Variants in PES1 observed in about 807,000 individuals in gnomAD.
PES1 encodes the protein pescadillo ribosomal biogenesis factor 1, also known as pescadillo homolog.
In PES1, 31 loss-of-function variants were observed where a neutral mutation model predicts 77.1. That is an observed-to-expected ratio of 0.40 (90% CI 0.30 to 0.54). The LOEUF (loss-of-function observed/expected upper bound fraction) is 0.54, where lower values mean the gene tolerates loss of function less well. Among genes scored for constraint, PES1 ranks in the 20% least tolerant of loss-of-function variants. PES1 has a pLI of 0.45. For synonymous variants in PES1, 282 were observed against 303.0 expected, an observed-to-expected ratio of 0.93 and a Z score of 0.72; for missense variants, 658 against 771.7, an observed-to-expected ratio of 0.85 and a Z score of 1.75.
At chr22:30,577,945 C>G (rs150856762) in intron 14 of PES1, among the ~76,000 whole-genome samples, 143 of 152,340 alleles carry the variant, frequency 9.4e-4, no homozygotes, top group Middle Eastern at 6.8e-3. Context: ...TCACAGGGGA[C>G]AGGCCAGGTT....
At position 30,579,946 on chromosome 22, in the gene PES1, G is replaced by A. The variant is rs747385280; in HGVS notation, c.1170-11C>T. 6.2e-7 allele frequency: 1 copy of A among 1,612,176 alleles called. No homozygotes were observed. The highest frequency in any genetic ancestry group is 1.7e-5 in the Admixed American group (1 of 59,918). On this transcript the variant is annotated splice_polypyrimidine_tract_variant and intron_variant, in intron 11 of 14. Coordinates refer to ENST00000354694, the MANE Select transcript of PES1 (RefSeq NM_014303.4). The stretch of plus-strand genomic sequence containing the variant: ...GGCTGCACGTAGCACCTGGCGCAGA[G>A]TGGCAGGCAAAAACGAGTCACAGAG...
chr22:30,601,922 G>GC (rs950641976), intron 2 of PES1: 3 of 151,958 alleles, frequency 2.0e-5, no homozygotes, highest in African/African-American at 7.3e-5. Flanking sequence ...ACAGGTACGT[G>GC]CCACCACACC....
At chr22:30,579,072 A>G in intron 13 of PES1, 65 bp downstream of exon 13, 1 of 1,603,472 alleles carries the variant, frequency 6.2e-7, no homozygotes, top group Non-Finnish European at 8.5e-7. Flanking sequence ...CTGACCTTCT[A>G]GGCCAGAGCA....
Position 30,581,197 on chromosome 22 carries a change from A to G in PES1, c.823-96T>C, listed in dbSNP as rs2086981012. 1.8e-5 allele frequency: 24 copies of G among 1,344,320 alleles called. No homozygotes were observed. The South Asian group carries it at 2.8e-4, about 16-fold the overall frequency. 83.3% of individuals were successfully genotyped at this position (1,344,320 alleles called of 1,614,324 possible). ...AGCAGTGACAGTCCTGGGCATCAGC[A>G]GGTGTGGGTTCCAAGGGCAGGCTGA... On this transcript the variant is annotated intron_variant, in intron 8 of 14. Coordinates refer to ENST00000354694, the MANE Select transcript of PES1 (RefSeq NM_014303.4).
intron 6 of PES1, among the ~76,000 whole-genome samples, chr22:30,582,797 A>T (rs905189135): frequency 2.6e-5 from 4 of 152,184 alleles, no homozygotes; most frequent in Admixed American, 6.5e-5. Context: ...AGGGCCCCTG[A>T]CAGGCACATC....
Position 30,577,020 on chromosome 22 carries a change from T to G in PES1, c.*26A>C. The G allele has an allele frequency of 6.3e-7, 1 of 1,595,842 alleles. No homozygotes were observed. Among genetic ancestry groups the G allele is most frequent in the Non-Finnish European group, 8.6e-7 (1 of 1,164,526 alleles). Reference sequence around the variant, plus strand: ...CACATCCAGCTGCTAGGGGCTGGCCTCAGCCCTGTGAGGGGCCGCAGGCAC... The same window carrying G: ...CACATCCAGCTGCTAGGGGCTGGCCGCAGCCCTGTGAGGGGCCGCAGGCAC... On this transcript the variant is annotated 3_prime_UTR_variant, in exon 15 of 15. Transcript: ENST00000354694.
At chr22:30,600,618 C>A (rs1255842578) in intron 2 of PES1, among the ~76,000 whole-genome samples, 1 of 152,112 alleles carries the variant, frequency 6.6e-6, no homozygotes, top group Non-Finnish European at 1.5e-5. Context: ...AGATGGAGAC[C>A]ATCCTGGCTA....
At chr22:30,603,131 G>A (rs1038534495) in intron 2 of PES1, among the ~76,000 whole-genome samples, 2 of 151,778 alleles carry the variant, frequency 1.3e-5, no homozygotes, top group Non-Finnish European at 2.9e-5. Flanking sequence ...GGCTGGTCTC[G>A]AACTCCTGAC....
At chr22:30,598,630 T>G (rs778916689) in intron 2 of PES1, among the ~76,000 whole-genome samples, 7 of 152,062 alleles carry the variant, frequency 4.6e-5, no homozygotes, top group Non-Finnish European at 8.8e-5. Flanking sequence ...GGTTTTGCCA[T>G]GCTGGCCAGG....
intron 2 of PES1, among the ~76,000 whole-genome samples, chr22:30,600,377 ATATAACATAGATAAAGAACTCT>A (rs1385197469): frequency 6.6e-6 from 1 of 152,164 alleles, no homozygotes; most frequent in Admixed American, 6.5e-5. Flanking sequence ...GAACAGTCTT[ATATAACATAGATAAAGAACTCT>A]TGGCCAGGCG....
intron 2 of PES1, chr22:30,605,337 TC>T: frequency 3.1e-6 from 1 of 326,592 alleles, no homozygotes; most frequent in Non-Finnish European, 4.4e-6. Context: ...CTATTCCTAC[TC>T]CCCCACCCTC....
chr22:30,594,117 G>A (rs2087222737), upstream of PES1, among the ~76,000 whole-genome samples: 2 of 152,152 alleles, frequency 1.3e-5, no homozygotes, highest in South Asian at 2.1e-4. Flanking sequence ...TCTAAGCCTC[G>A]GACAAGCCAC....
chr22:30,604,254 G>A (rs2087401957), intron 2 of PES1, among the ~76,000 whole-genome samples: 1 of 152,194 alleles, frequency 6.6e-6, no homozygotes, highest in South Asian at 2.1e-4. Flanking sequence ...CTGATTGCTT[G>A]TGCTTTTAGG....
chr22:30,597,053 C>T (rs1276575590), intron 2 of PES1, among the ~76,000 whole-genome samples: 1 of 152,222 alleles, frequency 6.6e-6, no homozygotes, highest in African/African-American at 2.4e-5. Context: ...AGTGCCGGCC[C>T]ACCGGCGCTG....
Position 30,605,453 on chromosome 22 carries a change from C to T in PES1, c.-661+8G>A, listed in dbSNP as rs1005576488. 3 of 985,278 alleles carry T rather than the reference C, an allele frequency of 3.0e-6. No individual in the cohort carries two copies. The African/African-American group carries it at 5.2e-5, about 17-fold the overall frequency. 61.0% of individuals were successfully genotyped at this position (985,278 alleles called of 1,614,324 possible). A position where few individuals can be genotyped will look rare whatever the true frequency, so the allele number is the denominator to read the frequency against. ...GTGACTCTCTGGAAGGATGCTGCTG[C>T]TTCTCACCAGAGGCTGACGATAACG... is the stretch of plus-strand genomic sequence containing the variant. On this transcript the variant is annotated splice_region_variant and intron_variant, in intron 2 of 16. Coordinates refer to the PES1 transcript ENST00000402281.
chr22:30,581,148 C>T, intron 8 of PES1, 47 bp from the exon 9 acceptor site: 2 of 1,513,198 alleles, frequency 1.3e-6, no homozygotes. Flanking sequence ...CTCATGCGGG[C>T]ATGTGGCCAG....
chr22:30,600,943 C>T (rs1425695892), intron 2 of PES1, among the ~76,000 whole-genome samples: 1 of 151,922 alleles, frequency 6.6e-6, no homozygotes, highest in African/African-American at 2.4e-5. Flanking sequence ...CGATCTCTCT[C>T]TCTTAAGGTA....
chr22:30,592,152 T>A (rs1485250923), upstream of PES1: 1 of 1,157,252 alleles, frequency 8.6e-7, no homozygotes, highest in Non-Finnish European at 1.1e-6. Flanking sequence ...ATTCATTGAC[T>A]GTGAGCCTCG....
Position 30,577,061 on chromosome 22 carries a change from C to G in PES1, c.1752G>C (p.Lys584Asn). Residue 584 changes from lysine (K) to asparagine (N), a missense_variant, in exon 15 of 15, where the codon AAG becomes AAC. Coordinates refer to ENST00000354694, the MANE Select transcript of PES1 (RefSeq NM_014303.4). ...CCGCAGGCACTCACTCCGGCCTTGC[C>G]TTCTTGGCCTTCTTCTCAGACCTCA... ...EAVRSEKKAK[K>N]ARPE 6.2e-7 allele frequency: 1 copy of G among 1,613,974 alleles called. No homozygotes were observed. Among genetic ancestry groups the G allele is most frequent in the East Asian group, 2.2e-5 (1 of 44,884 alleles).
Sources: gnomAD v4.1 joint callset for allele counts (sites outside exome capture counted in the v4.1 genomes callset) on GRCh38, gnomAD v4.1.1 for gene constraint, MANE v1.5 for transcripts, NCBI Gene and HGNC (gene_info 2026-07-23, HGNC 2026-07-21) for gene names.